The following OSBPL8 variants were observed in gnomAD, a reference collection of about 807,000 sequenced individuals.
OSBPL8 encodes the protein oxysterol binding protein like 8.
In OSBPL8, 59 loss-of-function variants were observed where a neutral mutation model predicts 125.5. That is an observed-to-expected ratio of 0.47 (90% CI 0.38 to 0.58). The LOEUF (loss-of-function observed/expected upper bound fraction) is 0.58, where lower values mean the gene tolerates loss of function less well. Ranked by LOEUF, OSBPL8 falls within the 20% of genes least tolerant of loss-of-function variation. The pLI is 0.00. For missense variants in OSBPL8, 758 were observed against 1,047.8 expected, an observed-to-expected ratio of 0.72 and a Z score of 3.82; for synonymous variants, 330 against 338.9, an observed-to-expected ratio of 0.97 and a Z score of 0.29.
intron 3 of OSBPL8, 68 bp from the exon 4 acceptor site, chr12:76,451,056 C>G: frequency 6.7e-7 from 1 of 1,489,544 alleles, no homozygotes; most frequent in South Asian, 1.3e-5. Context: ...TAGTTAATAA[C>G]ATGGAATAAG....
In OSBPL8 at chr12:76,459,893, A is replaced by G. The variant is rs1299451983; in HGVS notation, c.45T>C (p.Leu15=). The change falls in exon 3 of 24, where the codon CTT becomes CTC. Residue 15 remains leucine (L), a splice_region_variant and synonymous_variant. Coordinates refer to ENST00000261183, the MANE Select transcript of OSBPL8 (RefSeq NM_020841.5). ...LADGEPDRTS[L]LGDSKDVLGP... ...CAAGGACATCTTTGCTATCACCAAG[A>G]AGCTTTTAAGGCAGGGTAATTGAGC... 2 of 1,613,674 alleles carry G rather than the reference A, an allele frequency of 1.2e-6. No individual in the cohort carries two copies. The highest frequency in any genetic ancestry group is 1.7e-6 in the Non-Finnish European group (2 of 1,179,958).
intron 1 of OSBPL8, among the ~76,000 whole-genome samples, chr12:76,488,816 A>G (rs1304539304): frequency 6.6e-6 from 1 of 152,226 alleles, no homozygotes; most frequent in Non-Finnish European, 1.5e-5. Context: ...TAAGTGTTCA[A>G]GTAAAAGGAA....
chr12:76,510,113 C>G (rs1226289363), intron 1 of OSBPL8, among the ~76,000 whole-genome samples: 1 of 152,148 alleles, frequency 6.6e-6, no homozygotes, highest in Non-Finnish European at 1.5e-5. Context: ...CCTAACAGCA[C>G]ATTAAAGCCC....
chr12:76,443,482 G>A (rs755342298), intron 4 of OSBPL8, among the ~76,000 whole-genome samples: 127 of 151,960 alleles, frequency 8.4e-4, no homozygotes, highest in African/African-American at 1.4e-3. Context: ...AAGGGTGAAC[G>A]CGAGCCTAAT....
At chr12:76,473,388 A>C (rs1876412512) in intron 2 of OSBPL8, among the ~76,000 whole-genome samples, 1 of 152,118 alleles carries the variant, frequency 6.6e-6, no homozygotes, top group Non-Finnish European at 1.5e-5. Flanking sequence ...ACTACCATAG[A>C]AGTTTTAATT....
At chr12:76,363,235 G>A (rs1952278749) in intron 21 of OSBPL8, among the ~76,000 whole-genome samples, 1 of 152,136 alleles carries the variant, frequency 6.6e-6, no homozygotes, top group South Asian at 2.1e-4. Context: ...ACAATCCTAA[G>A]CAAAACGAAC....
At chr12:76,505,276 G>A (rs1001461121) in intron 1 of OSBPL8, among the ~76,000 whole-genome samples, 2 of 152,068 alleles carry the variant, frequency 1.3e-5, no homozygotes, top group African/African-American at 4.8e-5. Flanking sequence ...CAAGTACGCC[G>A]CTGCCAGCTA....
intron 2 of OSBPL8, among the ~76,000 whole-genome samples, chr12:76,466,666 A>G (rs1875473645): frequency 6.6e-6 from 1 of 152,140 alleles, no homozygotes; most frequent in South Asian, 2.1e-4. Flanking sequence ...TTTTTTAAAA[A>G]TCTTTTTCCA....
chr12:76,456,289 A>G (rs1031871497), intron 3 of OSBPL8, among the ~76,000 whole-genome samples: 12 of 152,192 alleles, frequency 7.9e-5, no homozygotes, highest in Admixed American at 3.9e-4. Context: ...TAGATCACGT[A>G]CTTTTTTCAT....
intron 3 of OSBPL8, among the ~76,000 whole-genome samples, chr12:76,455,454 C>T (rs1873922815): frequency 6.6e-6 from 1 of 152,180 alleles, no homozygotes; most frequent in Non-Finnish European, 1.5e-5. Flanking sequence ...AGCATTCTGT[C>T]AGTAAAACAT....
intron 15 of OSBPL8, 63 bp from the exon 16 acceptor site, chr12:76,378,613 A>C (rs1219330936): frequency 8.4e-7 from 1 of 1,188,334 alleles, no homozygotes; most frequent in African/African-American, 1.5e-5. Flanking sequence ...AAACAAACAA[A>C]ATATATTTAG....
At chr12:76,439,062 G>C (rs370316606) in intron 4 of OSBPL8, among the ~76,000 whole-genome samples, 2 of 152,126 alleles carry the variant, frequency 1.3e-5, no homozygotes, top group African/African-American at 2.4e-5. Context: ...GGGGGAGGTG[G>C]AGAGATTGAT....
chr12:76,447,546 A>AT (rs569373281), intron 4 of OSBPL8, among the ~76,000 whole-genome samples: 2,060 of 147,656 alleles, frequency 0.014, 39 homozygotes, highest in African/African-American at 0.039. Context: ...GCCTAGATCC[A>AT]TTTTTTTTTT....
chr12:76,499,304 C>CTCTATCTATCCATCTA (rs1879621337), intron 1 of OSBPL8, among the ~76,000 whole-genome samples: 1 of 127,986 alleles, frequency 7.8e-6, no homozygotes, highest in Non-Finnish European at 1.7e-5. Context: ...ACTTAATAAA[C>CTCTATCTATCCATCTA]TCTATCTATC....
chr12:76,369,843 T>C, intron 19 of OSBPL8, 21 bp from the exon 20 acceptor site: 1 of 1,579,158 alleles, frequency 6.3e-7, no homozygotes. Context: ...TGCGAAAATA[T>C]TAAAAGTATT....
At chr12:76,415,085 A>G (rs1868465607) in intron 4 of OSBPL8, among the ~76,000 whole-genome samples, 1 of 152,206 alleles carries the variant, frequency 6.6e-6, no homozygotes, top group Non-Finnish European at 1.5e-5. Flanking sequence ...ATTTCATGTC[A>G]AAGTTATACT....
At chr12:76,368,103 A>C (rs1279758268) in intron 21 of OSBPL8, among the ~76,000 whole-genome samples, 1 of 152,160 alleles carries the variant, frequency 6.6e-6, no homozygotes, top group Non-Finnish European at 1.5e-5. Context: ...GGGCAGGTCT[A>C]GTGGTAATGA....
chr12:76,465,832 C>T (rs1310318185), intron 2 of OSBPL8, among the ~76,000 whole-genome samples: 2 of 151,780 alleles, frequency 1.3e-5, no homozygotes, highest in South Asian at 2.1e-4. Context: ...ATGGTGAAAC[C>T]CCGTCTCTAC....
At chr12:76,540,698 T>C (rs1950618572) in intron 1 of OSBPL8, among the ~76,000 whole-genome samples, 1 of 151,258 alleles carries the variant, frequency 6.6e-6, no homozygotes, top group Non-Finnish European at 1.5e-5. Context: ...AAAAAAAAAC[T>C]TCAGACAAGC....
Sources: gnomAD v4.1 joint callset for allele counts (sites outside exome capture counted in the v4.1 genomes callset) on GRCh38, gnomAD v4.1.1 for gene constraint, MANE v1.5 for transcripts, NCBI Gene and HGNC (gene_info 2026-07-23, HGNC 2026-07-21) for gene names.